WDFY4: variants seen among roughly 807,000 people sequenced by gnomAD.
WDFY4 encodes the protein WD repeat- and FYVE domain-containing protein 4.
WDFY4 carries 169 observed loss-of-function variants against 351.9 expected under a neutral mutation model. The ratio of observed to expected loss-of-function variants is 0.48; its 90% CI spans 0.42 to 0.55. WDFY4 has a LOEUF of 0.55. Among genes scored for constraint, WDFY4 ranks in the 20% least tolerant of loss-of-function variants. The probability of loss-of-function intolerance (pLI) is 0.00; values close to 1 mark genes in which losing one functional copy is unlikely to be tolerated. For synonymous variants in WDFY4, 1,622 were observed against 1,574.6 expected, an observed-to-expected ratio of 1.03 and a Z score of -0.71; for missense variants, 3,803 against 3,935.6, an observed-to-expected ratio of 0.97 and a Z score of 0.90.
intron 61 of WDFY4, 109 bp downstream of exon 61, chr10:48,981,587 A>T (rs1842808244): frequency 2.1e-6 from 2 of 957,798 alleles, no homozygotes; most frequent in African/African-American, 3.3e-5. Context: ...AGGCCACTTC[A>T]CTCCAGGACA....
In WDFY4 at chr10:48,743,431, G is replaced by T. The variant is rs755514093; in HGVS notation, c.2342G>T (p.Arg781Leu). The T allele has an allele frequency of 1.3e-6, 2 of 1,551,168 alleles. No homozygotes were observed. Among genetic ancestry groups the T allele is most frequent in the South Asian group, 1.2e-5 (1 of 84,062 alleles). ...DSMASGTLHLRGDLKESLRTK... is the reference protein window; with the variant it reads ...DSMASGTLHLLGDLKESLRTK... ...ATGGCCAGCGGCACCCTCCACTTGC[G>T]TGGGGACCTGAAGGAGTCCCTGAGG... Residue 781 changes from arginine to leucine, a missense_variant, in exon 12 of 62, where the codon CGT becomes CTT. Arg to Leu is a moderately radical substitution (Grantham distance 102). Around this residue, in one of 3 missense-constraint regions of WDFY4, gnomAD observed 3,054 missense variants for 3,148.6 expected, o/e 0.97. Transcript: ENST00000325239.
At chr10:48,787,858 T>TTC (rs1206154453) in intron 20 of WDFY4, among the ~76,000 whole-genome samples, 1,486 of 65,610 alleles carry the variant, frequency 0.023, 84 homozygotes, top group East Asian at 0.13. Flanking sequence ...CTTCTTCTTC[T>TTC]TTCTTCTTCT....
At chr10:48,754,963 C>CT (rs1348711481) in intron 12 of WDFY4, among the ~76,000 whole-genome samples, 2 of 152,054 alleles carry the variant, frequency 1.3e-5, no homozygotes, top group Non-Finnish European at 2.9e-5. Context: ...GTAAAAGTCT[C>CT]TTTTTTTGGC....
At position 48,788,619 on chromosome 10, in the gene WDFY4, G is replaced by A; in HGVS notation, c.3898G>A (p.Val1300Ile). The part of the protein sequence containing the change: ...LHIASSSITS[V>I]ADIRNAYNEV... ...CATAGCCAGCTCCTCTATCACCAGT[G>A]TAGCGGACATCAGAAATGCTTACAA... Residue 1300 changes from valine to isoleucine, a missense_variant, in exon 21 of 62, where the codon GTA (valine) becomes ATA (isoleucine). By Grantham distance (29) the Val-to-Ile change is conservative. This residue lies in a region of WDFY4 where 3,054 missense variants were observed against 3,148.6 expected (regional missense o/e 0.97). Transcript: ENST00000325239. The A allele has an allele frequency of 6.4e-7, 1 of 1,551,768 alleles. No individual in the cohort carries two copies. The highest frequency in any genetic ancestry group is 2.0e-5 in the Admixed American group (1 of 51,010).
chr10:48,731,664 A>G, intron 9 of WDFY4, 102 bp downstream of exon 9: 4 of 1,311,744 alleles, frequency 3.0e-6, no homozygotes, highest in Non-Finnish European at 4.1e-6. Flanking sequence ...GAAAGTGAGC[A>G]TGCCCATGTC....
In WDFY4 at chr10:48,866,155, G is replaced by A. The variant is rs538200866; in HGVS notation, c.6664-1110G>A. ...GATTTAGTTTGCTCTTTTTTCCCCA[G>A]TGTCTTCAGATGGAAGTTTCAGATA... On this transcript the variant is annotated intron_variant, in intron 39 of 61. Transcript: ENST00000325239. Among the ~76,000 whole-genome samples, 3 of 151,822 alleles carry A rather than the reference G, an allele frequency of 2.0e-5. No individual in the cohort carries two copies. In the East Asian group the frequency reaches 5.8e-4, roughly 29 times the overall value.
At chr10:48,951,082 G>A (rs182756638) in intron 51 of WDFY4, among the ~76,000 whole-genome samples, 168 of 152,326 alleles carry the variant, frequency 1.1e-3, no homozygotes, top group Middle Eastern at 3.4e-3. Flanking sequence ...CGGTACATTC[G>A]GAACACTGGG....
intron 35 of WDFY4, 79 bp from the exon 36 acceptor site, chr10:48,826,592 T>C (rs2068019523): frequency 1.8e-6 from 2 of 1,119,414 alleles, no homozygotes; most frequent in Non-Finnish European, 2.6e-6. Context: ...TATACTATTT[T>C]TGTGGTAAAC....
At chr10:48,705,106 G>A (rs986469743) in intron 1 of WDFY4, among the ~76,000 whole-genome samples, 4 of 152,200 alleles carry the variant, frequency 2.6e-5, no homozygotes, top group Non-Finnish European at 1.5e-5. Context: ...TCTGAGAGTA[G>A]AATCCCCAGG....
Position 48,778,815 on chromosome 10 carries a change from A to G in WDFY4, c.3380A>G (p.Lys1127Arg). The G allele has an allele frequency of 6.4e-7, 1 of 1,550,962 alleles. No individual in the cohort carries two copies. Among genetic ancestry groups the G allele is most frequent in the South Asian group, 1.2e-5 (1 of 84,062 alleles). ...TCCTTGGTTGTTTCTACAGAAGAGA[A>G]GGAGTTTCAGCCTCTGGGTAAGGTG... ...DLSLVVSTEE[K>R]EFQPLDVMEP... Residue 1127 changes from lysine (K) to arginine (R), a missense_variant, in exon 18 of 62, where the codon AAG becomes AGG. This residue lies in a region of WDFY4 where 3,054 missense variants were observed against 3,148.6 expected (regional missense o/e 0.97). Coordinates refer to ENST00000325239, the MANE Select transcript of WDFY4 (RefSeq NM_001394531.1).
intron 54 of WDFY4, 84 bp downstream of exon 54, chr10:48,964,138 G>A: frequency 6.9e-7 from 1 of 1,443,152 alleles, no homozygotes; most frequent in Non-Finnish European, 9.5e-7. Context: ...TGAAAGTGAA[G>A]GAGATGGCTG....
intron 57 of WDFY4, among the ~76,000 whole-genome samples, chr10:48,970,973 A>C (rs968996126): frequency 2.6e-5 from 4 of 152,156 alleles, no homozygotes; most frequent in Non-Finnish European, 5.9e-5. Flanking sequence ...CCTTCTGTAT[A>C]CTAATTTTTT....
chr10:48,840,114 G>A (rs2133114274), intron 39 of WDFY4, among the ~76,000 whole-genome samples: 1 of 152,338 alleles, frequency 6.6e-6, no homozygotes, highest in African/African-American at 2.4e-5. Flanking sequence ...AAAATGTAAT[G>A]AAGTCTAGTG....
In WDFY4 at chr10:48,877,058, G is replaced by T; in HGVS notation, c.7026G>T (p.Glu2342Asp). Residue 2342 changes from glutamate (E) to aspartate (D), a missense_variant, in exon 43 of 62, where the codon GAG becomes GAT. Around this residue, in one of 3 missense-constraint regions of WDFY4, gnomAD observed 3,054 missense variants for 3,148.6 expected, o/e 0.97. Coordinates refer to ENST00000325239, the MANE Select transcript of WDFY4 (RefSeq NM_001394531.1). The part of the protein sequence containing the change: ...NQDELTLREA[E>D]GEPDEVGVDC... ...ATGAACTGACACTGAGGGAGGCTGA[G>T]GGCGAGCCGGACGAGGTGGGGGTGG... is the stretch of plus-strand genomic sequence containing the variant. 1 of 1,512,598 alleles carries T rather than the reference G, an allele frequency of 6.6e-7. No individual in the cohort carries two copies. The highest frequency in any genetic ancestry group is 2.5e-5 in the East Asian group (1 of 40,296). 93.7% of individuals were successfully genotyped at this position (1,512,598 alleles called of 1,614,324 possible).
At chr10:48,695,944 T>G (rs1269061602) in intron 1 of WDFY4, among the ~76,000 whole-genome samples, 3 of 152,172 alleles carry the variant, frequency 2.0e-5, no homozygotes, top group African/African-American at 7.2e-5. Context: ...AGGTGTGTGC[T>G]GACCAGGAGC....
chr10:48,759,268 A>G (rs1169177770), intron 12 of WDFY4, among the ~76,000 whole-genome samples: 1 of 152,156 alleles, frequency 6.6e-6, no homozygotes, highest in Non-Finnish European at 1.5e-5. Flanking sequence ...CCAGAGGTTA[A>G]TATACAACTT....
At chr10:48,955,950 T>A (rs1010297905) in intron 51 of WDFY4, among the ~76,000 whole-genome samples, 13 of 152,164 alleles carry the variant, frequency 8.5e-5, no homozygotes, top group African/African-American at 3.1e-4. Flanking sequence ...CCAGCCTTGA[T>A]GAGGACAAGT....
intron 17 of WDFY4, among the ~76,000 whole-genome samples, chr10:48,778,161 G>A (rs776108676): frequency 2.1e-4 from 32 of 152,234 alleles, no homozygotes; most frequent in Non-Finnish European, 4.0e-4. Flanking sequence ...TGGGTGCTGG[G>A]GAGCCATTGC....
chr10:48,813,853 C>A, intron 30 of WDFY4, 104 bp from the exon 31 acceptor site: 4 of 1,336,322 alleles, frequency 3.0e-6, no homozygotes, highest in Non-Finnish European at 3.9e-6. Flanking sequence ...TGCTCTTTTG[C>A]TTTTCCCACT....
Sources: gnomAD v4.1 joint callset for allele counts (sites outside exome capture counted in the v4.1 genomes callset) on GRCh38, gnomAD v4.1.1 for gene constraint, gnomAD v4.1.1 regional missense constraint, MANE v1.5 for transcripts, NCBI Gene and HGNC (gene_info 2026-07-23, HGNC 2026-07-21) for gene names.